The following IFT43 variants were observed in gnomAD, a reference collection of about 807,000 sequenced individuals.
IFT43 encodes the protein intraflagellar transport protein 43 homolog.
Under a neutral mutation model 32.3 loss-of-function variants are expected in IFT43, and 33 were observed. That is an observed-to-expected ratio of 1.02 (90% CI 0.77 to 1.37). IFT43 has a LOEUF of 1.37. Ranked by LOEUF, IFT43 falls within the 40% of genes most tolerant of loss-of-function variation. The pLI is 0.00. For missense variants in IFT43, 274 were observed against 265.9 expected (o/e 1.03, Z -0.21); for synonymous variants, 93 against 98.2 (o/e 0.95, Z 0.31).
intron 3 of IFT43, 105 bp from the exon 4 acceptor site, chr14:76,058,537 A>AG (rs2037068777): frequency 7.5e-7 from 1 of 1,335,142 alleles, no homozygotes; most frequent in African/African-American, 1.5e-5. Flanking sequence ...AAAGCACTTG[A>AG]GATATACTAA....
intron 3 of IFT43, among the ~76,000 whole-genome samples, chr14:76,029,898 T>TTTATTTTATTTTATA: frequency 6.8e-6 from 1 of 147,980 alleles, no homozygotes; most frequent in East Asian, 1.9e-4. Flanking sequence ...TTTATTTTAT[T>TTTATTTTATTTTATA]TGAGACAGGA....
At chr14:76,065,529 A>G (rs1173397619) in intron 5 of IFT43, among the ~76,000 whole-genome samples, 1 of 151,928 alleles carries the variant, frequency 6.6e-6, no homozygotes, top group Non-Finnish European at 1.5e-5. Context: ...TCAGAAAACT[A>G]CTAATGTGTT....
At chr14:76,048,567 T>G (rs1361310140) in intron 3 of IFT43, among the ~76,000 whole-genome samples, 1 of 152,172 alleles carries the variant, frequency 6.6e-6, no homozygotes, top group Non-Finnish European at 1.5e-5. Context: ...CAACAGCAAT[T>G]TTAATATAGA....
intron 2 of IFT43, among the ~76,000 whole-genome samples, chr14:76,012,478 G>A (rs2036104241): frequency 6.6e-6 from 1 of 152,164 alleles, no homozygotes. Context: ...TAGAAAGCTG[G>A]TATTTCAGGA....
chr14:75,990,918 G>T (rs1040100483), intron 2 of IFT43, among the ~76,000 whole-genome samples: 9 of 152,172 alleles, frequency 5.9e-5, no homozygotes, highest in African/African-American at 2.2e-4. Context: ...GAAGCACACA[G>T]TAAGTGCCAG....
intron 5 of IFT43, among the ~76,000 whole-genome samples, chr14:76,068,021 G>A (rs2037256287): frequency 6.6e-6 from 1 of 152,190 alleles, no homozygotes; most frequent in African/African-American, 2.4e-5. Flanking sequence ...TTTGTTGGGG[G>A]GACAAGGCAT....
chr14:76,037,038 G>C (rs558690808), intron 3 of IFT43, among the ~76,000 whole-genome samples: 1 of 152,310 alleles, frequency 6.6e-6, no homozygotes, highest in South Asian at 2.1e-4. Context: ...GTGTTGCCCA[G>C]GTGGCCATGA....
At position 76,062,021 on chromosome 14, in the gene IFT43, A is replaced by T. The variant is rs146122244; in HGVS notation, c.295+2648A>T. On this transcript the variant is annotated intron_variant, in intron 5 of 8. Coordinates refer to ENST00000314067, the MANE Select transcript of IFT43 (RefSeq NM_001102564.3). ...AATTCCATTATATCTGTCTTTTCTG[A>T]GTCTGTTTCTATAACTGATTTTTCT... Among the ~76,000 whole-genome samples the T allele has an allele frequency of 3.1e-3, 466 of 150,320 alleles. 6 individuals are homozygous for T. Among genetic ancestry groups the T allele is most frequent in the African/African-American group, 0.011 (445 of 40,976 alleles).
intron 1 of IFT43, among the ~76,000 whole-genome samples, chr14:75,987,837 C>T (rs1035430373): frequency 7.2e-5 from 11 of 152,128 alleles, no homozygotes; most frequent in African/African-American, 2.7e-4. Flanking sequence ...CTCTGATTTC[C>T]AAAGATAATG....
chr14:76,037,264 T>G (rs747899777), intron 3 of IFT43, among the ~76,000 whole-genome samples: 1 of 152,210 alleles, frequency 6.6e-6, no homozygotes, highest in Admixed American at 6.5e-5. Context: ...CTGTATTGCC[T>G]TGAAGGCACA....
intron 2 of IFT43, among the ~76,000 whole-genome samples, chr14:75,997,021 G>A (rs554730831): frequency 1.3e-5 from 2 of 152,272 alleles, no homozygotes; most frequent in East Asian, 1.9e-4. Flanking sequence ...GAGTAAACAC[G>A]TTGAGCCCAT....
At chr14:76,010,646 TCATAA>T (rs2036065966) in intron 2 of IFT43, among the ~76,000 whole-genome samples, 1 of 151,978 alleles carries the variant, frequency 6.6e-6, no homozygotes, top group South Asian at 2.1e-4. Context: ...ATTATAGGCA[TCATAA>T]CATGTTACTT....
chr14:76,025,164 G>T (rs2036366611), intron 3 of IFT43, among the ~76,000 whole-genome samples: 1 of 152,206 alleles, frequency 6.6e-6, no homozygotes, highest in Non-Finnish European at 1.5e-5. Flanking sequence ...GTTTCTCAAA[G>T]AATAGTCATT....
chr14:76,005,941 T>A (rs1002301060), intron 2 of IFT43, among the ~76,000 whole-genome samples: 1 of 152,248 alleles, frequency 6.6e-6, no homozygotes, highest in Non-Finnish European at 1.5e-5. Context: ...CAATTGCTTT[T>A]GGACTGTTTC....
chr14:76,039,325 G>A (rs1406871729), intron 3 of IFT43, among the ~76,000 whole-genome samples: 5 of 152,068 alleles, frequency 3.3e-5, no homozygotes, highest in African/African-American at 9.7e-5. Flanking sequence ...TACTCGCCAC[G>A]TTTTTAAATT....
intron 2 of IFT43, among the ~76,000 whole-genome samples, chr14:75,994,984 T>C (rs898335879): frequency 1.3e-5 from 2 of 152,264 alleles, no homozygotes; most frequent in African/African-American, 2.4e-5. Context: ...TGCTGGGATC[T>C]AGACCTGTTT....
chr14:76,036,169 A>G (rs933693924), intron 3 of IFT43, among the ~76,000 whole-genome samples: 2 of 152,180 alleles, frequency 1.3e-5, no homozygotes, highest in Non-Finnish European at 2.9e-5. Context: ...CCATCATGAC[A>G]TTAGGATGCA....
intron 2 of IFT43, among the ~76,000 whole-genome samples, chr14:76,020,098 C>T (rs1049172348): frequency 2.0e-5 from 3 of 152,134 alleles, no homozygotes; most frequent in Non-Finnish European, 4.4e-5. Context: ...CCTCAGCCTC[C>T]TGAGTAGCTA....
chr14:76,004,312 T>C (rs11623313), intron 2 of IFT43, among the ~76,000 whole-genome samples: 21,759 of 152,214 alleles, frequency 0.14, 1,832 homozygotes, highest in Non-Finnish European at 0.19. Context: ...ATATTTTATA[T>C]TGATATGGAA....
Sources: gnomAD v4.1 joint callset for allele counts (sites outside exome capture counted in the v4.1 genomes callset) on GRCh38, gnomAD v4.1.1 for gene constraint, MANE v1.5 for transcripts, NCBI Gene and HGNC (gene_info 2026-07-23, HGNC 2026-07-21) for gene names.